Variants in MMP16 observed in about 807,000 individuals in gnomAD.
The protein encoded by MMP16 is matrix metallopeptidase 16.
MMP16 carries 12 observed loss-of-function variants against 67.8 expected under a neutral mutation model. That is an observed-to-expected ratio of 0.18 (90% CI 0.11 to 0.29). The LOEUF is 0.29. MMP16 is among the 10% of genes least tolerant of loss of function. The probability of loss-of-function intolerance (pLI) is 1.00; values close to 1 mark genes in which losing one functional copy is unlikely to be tolerated. For synonymous variants in MMP16, 249 were observed against 255.9 expected (o/e 0.97, Z 0.26); for missense variants, 475 against 765.7 (o/e 0.62, Z 4.48).
chr8:88,222,716 A>C (rs1809704603), intron 1 of MMP16, among the ~76,000 whole-genome samples: 1 of 152,206 alleles, frequency 6.6e-6, no homozygotes, highest in Non-Finnish European at 1.5e-5. Flanking sequence ...AAAGACTTAA[A>C]TGTTACAGCT....
chr8:88,061,687 A>G (rs2118241033), intron 7 of MMP16, among the ~76,000 whole-genome samples: 1 of 152,214 alleles, frequency 6.6e-6, no homozygotes, highest in Admixed American at 6.6e-5. Flanking sequence ...TAATGTGTGA[A>G]AAAAGAAAAG....
intron 4 of MMP16, among the ~76,000 whole-genome samples, chr8:88,147,220 ATT>A (rs904585641): frequency 1.3e-5 from 2 of 151,894 alleles, no homozygotes; most frequent in African/African-American, 4.8e-5. Context: ...GTTTTCTTCT[ATT>A]GTTACCTCCT....
chr8:88,292,353 C>G (rs1810938709), intron 1 of MMP16, among the ~76,000 whole-genome samples: 1 of 152,114 alleles, frequency 6.6e-6, no homozygotes, highest in African/African-American at 2.4e-5. Flanking sequence ...AGAACATACC[C>G]ATATACAAAT....
At chr8:88,296,594 G>A (rs1050589599) in intron 1 of MMP16, among the ~76,000 whole-genome samples, 4 of 152,142 alleles carry the variant, frequency 2.6e-5, no homozygotes, top group South Asian at 2.1e-4. Context: ...CAGCACTTTC[G>A]GAGGCGAGAT....
At chr8:88,128,078 G>A (rs1807963591) in intron 4 of MMP16, among the ~76,000 whole-genome samples, 1 of 151,874 alleles carries the variant, frequency 6.6e-6, no homozygotes, top group Non-Finnish European at 1.5e-5. Context: ...CATTCCAGCT[G>A]CAAGCTCAAG....
chr8:88,250,064 T>C (rs1810182696), intron 1 of MMP16, among the ~76,000 whole-genome samples: 1 of 152,110 alleles, frequency 6.6e-6, no homozygotes, highest in African/African-American at 2.4e-5. Flanking sequence ...CAGCTGCTTC[T>C]AATCTTTCCT....
At chr8:88,137,877 T>TTGTC (rs2118493998) in intron 4 of MMP16, among the ~76,000 whole-genome samples, 1 of 152,130 alleles carries the variant, frequency 6.6e-6, no homozygotes, top group South Asian at 2.1e-4. Context: ...TTCACATATC[T>TTGTC]TGTCTTCTAT....
chr8:88,231,007 T>C (rs1381797495), intron 1 of MMP16, among the ~76,000 whole-genome samples: 6 of 152,090 alleles, frequency 3.9e-5, no homozygotes, highest in East Asian at 1.9e-4. Flanking sequence ...ATTGGTAAAA[T>C]AGACATTAAA....
intron 4 of MMP16, among the ~76,000 whole-genome samples, chr8:88,153,340 T>C (rs888367739): frequency 1.1e-4 from 17 of 152,134 alleles, no homozygotes; most frequent in African/African-American, 3.9e-4. Flanking sequence ...ACCAATGACT[T>C]TCTTCACAGA....
chr8:88,292,118 T>C (rs576546484), intron 1 of MMP16, among the ~76,000 whole-genome samples: 11 of 152,324 alleles, frequency 7.2e-5, no homozygotes, highest in Admixed American at 5.2e-4. Context: ...TGAAAGACAA[T>C]CAATAGTTAT....
At chr8:88,262,584 T>C (rs569155023) in intron 1 of MMP16, among the ~76,000 whole-genome samples, 1 of 152,276 alleles carries the variant, frequency 6.6e-6, no homozygotes, top group Admixed American at 6.5e-5. Context: ...ATAGTGGTAG[T>C]TATATAGGCT....
chr8:88,234,107 G>C (rs1404961186), intron 1 of MMP16, among the ~76,000 whole-genome samples: 2 of 152,164 alleles, frequency 1.3e-5, no homozygotes, highest in Non-Finnish European at 2.9e-5. Flanking sequence ...TCAACTTTCA[G>C]AAACAAGATT....
At position 88,105,130 on chromosome 8, in the gene MMP16, A is replaced by AT. The variant is rs1324229580; in HGVS notation, c.1083+11376dup. ...GGCAAGTGCACTACATAGGTGTACC[A>AT]TTTTTTATCTTTTATCTCATCTTTT... On this transcript the variant is annotated intron_variant, in intron 6 of 9. Coordinates refer to ENST00000286614, the MANE Select transcript of MMP16 (RefSeq NM_005941.5). Among the ~76,000 whole-genome samples, 4 of 136,944 alleles carry AT rather than the reference A, an allele frequency of 2.9e-5. No homozygotes were observed. The East Asian group carries it at 8.8e-4, about 30-fold the overall frequency. The allele number at this position is 136,944 out of a possible 152,430, so 89.8% of individuals were successfully genotyped here.
chr8:88,161,228 T>A (rs1292663508), intron 4 of MMP16, among the ~76,000 whole-genome samples: 2 of 152,204 alleles, frequency 1.3e-5, no homozygotes, highest in African/African-American at 4.8e-5. Context: ...TTTCAGAGCC[T>A]GTTACTGGTC....
intron 4 of MMP16, among the ~76,000 whole-genome samples, chr8:88,149,502 G>A (rs911951170): frequency 9.2e-5 from 14 of 152,116 alleles, no homozygotes; most frequent in Non-Finnish European, 1.6e-4. Flanking sequence ...CCCAGCACGC[G>A]GCTGGAGATC....
intron 6 of MMP16, among the ~76,000 whole-genome samples, chr8:88,113,796 A>G (rs1402981241): frequency 1.3e-5 from 2 of 151,990 alleles, no homozygotes; most frequent in African/African-American, 2.4e-5. Flanking sequence ...CTAGAATGTA[A>G]TTTGCAAGAA....
intron 1 of MMP16, among the ~76,000 whole-genome samples, chr8:88,317,765 A>G (rs1811396227): frequency 6.6e-6 from 1 of 152,184 alleles, no homozygotes; most frequent in African/African-American, 2.4e-5. Context: ...GCTACATACA[A>G]GAACAATCTT....
intron 4 of MMP16, among the ~76,000 whole-genome samples, chr8:88,121,769 A>T (rs1281941209): frequency 2.0e-5 from 3 of 152,010 alleles, no homozygotes; most frequent in Non-Finnish European, 4.4e-5. Context: ...ATACTCCAAT[A>T]CAATGTTAGA....
At chr8:88,229,329 A>G (rs544402678) in intron 1 of MMP16, among the ~76,000 whole-genome samples, 1 of 152,244 alleles carries the variant, frequency 6.6e-6, no homozygotes, top group South Asian at 2.1e-4. Flanking sequence ...GACCGCATTC[A>G]ATGACAACAC....
Sources: allele counts gnomAD v4.1 joint callset (sites outside exome capture counted in the v4.1 genomes callset), GRCh38; gene constraint gnomAD v4.1.1; transcripts MANE v1.5; gene names NCBI Gene and HGNC (gene_info 2026-07-23, HGNC 2026-07-21).